Variants in OASL observed in about 807,000 individuals in gnomAD.
OASL encodes 2'-5'-oligoadenylate synthase-like protein.
Under a neutral mutation model 35.3 loss-of-function variants are expected in OASL, and 28 were observed. The ratio of observed to expected loss-of-function variants is 0.79; its 90% CI spans 0.59 to 1.09. The LOEUF (loss-of-function observed/expected upper bound fraction) is 1.09, where lower values mean the gene tolerates loss of function less well. Among genes scored for constraint, OASL ranks in the 50% least tolerant of loss-of-function variants. The probability of loss-of-function intolerance (pLI) is 0.00; values close to 1 mark genes in which losing one functional copy is unlikely to be tolerated. For synonymous variants in OASL, 252 were observed against 254.6 expected (o/e 0.99, Z 0.10); for missense variants, 620 against 635.2 (o/e 0.98, Z 0.26).
At chr12:121,033,891 G>A in intron 1 of OASL, 148 bp from the exon 2 acceptor site, 1 of 747,804 alleles carries the variant, frequency 1.3e-6, no homozygotes, top group Non-Finnish European at 2.1e-6. Flanking sequence ...CTTTACAGGT[G>A]AGAAAACTGA....
chr12:121,030,703 C>T (rs1300392891), intron 3 of OASL, among the ~76,000 whole-genome samples: 2 of 152,152 alleles, frequency 1.3e-5, no homozygotes, highest in Non-Finnish European at 2.9e-5. Flanking sequence ...TGTTTACACT[C>T]ACACATGCCC....
intron 5 of OASL, among the ~76,000 whole-genome samples, chr12:121,023,388 A>C (rs1273276442): frequency 6.7e-6 from 1 of 149,702 alleles, no homozygotes; most frequent in Non-Finnish European, 1.5e-5. Flanking sequence ...TCCCGGGTTC[A>C]AGCGATTCAC....
intron 1 of OASL, among the ~76,000 whole-genome samples, chr12:121,034,130 T>A (rs1320410799): frequency 6.6e-5 from 10 of 151,832 alleles, no homozygotes; most frequent in African/African-American, 2.4e-4. Flanking sequence ...CAGCAACACA[T>A]TTGTCTTTCT....
At chr12:121,037,777 A>G (rs2135919170) in intron 1 of OASL, among the ~76,000 whole-genome samples, 1 of 149,762 alleles carries the variant, frequency 6.7e-6, no homozygotes, top group Non-Finnish European at 1.5e-5. Flanking sequence ...TCTCAAAAAA[A>G]AAAAAACAAA....
At chr12:121,035,087 T>C (rs1869897277) in intron 1 of OASL, among the ~76,000 whole-genome samples, 1 of 152,008 alleles carries the variant, frequency 6.6e-6, no homozygotes, top group Admixed American at 6.6e-5. Flanking sequence ...TTCTTGGTGG[T>C]TGGAGTCACT....
intron 2 of OASL, among the ~76,000 whole-genome samples, chr12:121,032,190 C>T (rs980881885): frequency 2.7e-5 from 4 of 147,014 alleles, no homozygotes; most frequent in African/African-American, 7.5e-5. Context: ...GAGACTCCGT[C>T]TCAAAAAATA....
downstream of OASL, among the ~76,000 whole-genome samples, chr12:121,018,899 A>G (rs1292432830): frequency 1.4e-5 from 2 of 147,812 alleles, no homozygotes; most frequent in Non-Finnish European, 3.0e-5. Flanking sequence ...AAAAGAAGCG[A>G]TCCTAGAGAC....
intron 4 of OASL, among the ~76,000 whole-genome samples, chr12:121,024,504 G>A (rs893855285): frequency 6.6e-6 from 1 of 152,080 alleles, no homozygotes; most frequent in African/African-American, 2.4e-5. Context: ...TGTCATCCCA[G>A]TTACTCAGAA....
chr12:121,024,197 A>C (rs928272217), intron 4 of OASL, 60 bp from the exon 5 acceptor site: 1 of 1,566,112 alleles, frequency 6.4e-7, no homozygotes. Context: ...CAAGCCAGAA[A>C]AAAACCTTCT....
exon 2 of OASL, chr12:121,033,466 G>A (rs768355748): frequency 6.2e-7 from 1 of 1,608,732 alleles, no homozygotes; most frequent in Non-Finnish European, 8.5e-7. Context: ...CTTACCCAGG[G>A]CTCTGTAGGC....
chr12:121,022,679 C>T lies in OASL; in HGVS notation c.1047+1311G>A, dbSNP rs542531943. Among the ~76,000 whole-genome samples, 4 of 152,358 alleles carry T rather than the reference C, an allele frequency of 2.6e-5. No individual in the cohort carries two copies. In the East Asian group the frequency reaches 7.7e-4, roughly 29 times the overall value. Reference sequence around the variant, plus strand: ...CCTTCTGCTCCAAGCAGTTCAGTCTCCTGTCCTGTACACATCTTGCTCATC... The same window carrying T: ...CCTTCTGCTCCAAGCAGTTCAGTCTTCTGTCCTGTACACATCTTGCTCATC... On this transcript the variant is annotated intron_variant, in intron 5 of 5. Transcript: ENST00000257570.
At chr12:121,032,788 A>G (rs77536694) in intron 2 of OASL, among the ~76,000 whole-genome samples, 2,472 of 151,992 alleles carry the variant, frequency 0.016, 32 homozygotes, top group South Asian at 0.07. Context: ...CCTTCCCCTC[A>G]CTGGGTGTCA....
exon 3 of OASL, chr12:121,031,574 C>G (rs1163823928): frequency 6.2e-7 from 1 of 1,614,008 alleles, no homozygotes; most frequent in South Asian, 1.1e-5. Context: ...TGATCAGGCT[C>G]ACATAGACCT....
rs546410877 is a variant in OASL at position 121,020,574 on chromosome 12, A to G, written c.1532T>C (p.Phe511Ser). The G allele has an allele frequency of 2.5e-6, 4 of 1,603,582 alleles. No homozygotes were observed. In the South Asian group the frequency reaches 4.4e-5, roughly 18 times the overall value. ...TCCCAGAGAAAACTAACTGGCTGGA[A>G]ACAGAGCCTCTCCTTTCTTCTTCGA... is the stretch of plus-strand genomic sequence containing the variant. Residue 511 changes from phenylalanine (F) to serine (S), a missense_variant, in exon 6 of 6, where the codon TTT (phenylalanine) becomes TCT (serine). Physicochemically the swap from Phe to Ser is radical, Grantham distance 155. Transcript: ENST00000257570.
chr12:121,028,854 C>T (rs1869608412), intron 3 of OASL, among the ~76,000 whole-genome samples: 1 of 151,820 alleles, frequency 6.6e-6, no homozygotes, highest in South Asian at 2.1e-4. Context: ...CACTTGAGGC[C>T]AGGAGTTCGA....
intron 3 of OASL, among the ~76,000 whole-genome samples, chr12:121,030,182 GT>G (rs1410087760): frequency 1.3e-5 from 2 of 151,802 alleles, no homozygotes; most frequent in African/African-American, 2.4e-5. Context: ...GCCGGTAATT[GT>G]TTTTTCTTTA....
intron 4 of OASL, among the ~76,000 whole-genome samples, chr12:121,025,011 C>T (rs976861246): frequency 1.1e-4 from 13 of 123,538 alleles, no homozygotes; most frequent in Non-Finnish European, 8.0e-5. Context: ...CAGAGTCTCG[C>T]TCTGTCGCCC....
At chr12:121,028,175 G>T (rs1232012053) in intron 3 of OASL, among the ~76,000 whole-genome samples, 3 of 152,164 alleles carry the variant, frequency 2.0e-5, no homozygotes, top group Non-Finnish European at 1.5e-5. Context: ...AGAAAGGAAA[G>T]GTTTCCTTAG....
chr12:121,024,726 C>T (rs1869409712), intron 4 of OASL, among the ~76,000 whole-genome samples: 1 of 152,082 alleles, frequency 6.6e-6, no homozygotes, highest in African/African-American at 2.4e-5. Context: ...GATGCCCTTT[C>T]AGGCAGGGGG....
Sources: gnomAD v4.1 joint callset for allele counts (sites outside exome capture counted in the v4.1 genomes callset) on GRCh38, gnomAD v4.1.1 for gene constraint, MANE v1.5 for transcripts, NCBI Gene and HGNC (gene_info 2026-07-23, HGNC 2026-07-21) for gene names.